Variants in ESR1 observed in about 807,000 individuals in gnomAD.
ESR1 encodes the protein estrogen receptor.
A neutral mutation model predicts 52.7 loss-of-function variants in ESR1; 12 were observed. That is an observed-to-expected ratio of 0.23 (90% CI 0.15 to 0.37). The LOEUF (loss-of-function observed/expected upper bound fraction) is 0.37, where lower values mean the gene tolerates loss of function less well. Among genes scored for constraint, ESR1 ranks in the 10% least tolerant of loss-of-function variants. The pLI is 1.00. For missense variants in ESR1, 584 were observed against 779.7 expected, an observed-to-expected ratio of 0.75 and a Z score of 2.99; for synonymous variants, 305 against 316.8, an observed-to-expected ratio of 0.96 and a Z score of 0.39.
intron 5 of ESR1, among the ~76,000 whole-genome samples, chr6:152,036,001 T>G (rs1014949024): frequency 1.3e-5 from 2 of 152,192 alleles, no homozygotes; most frequent in African/African-American, 4.8e-5. Context: ...AATTAGGTCT[T>G]CAACATGGCA....
chr6:151,791,378 T>C (rs1485521612), intron 2 of ESR1, among the ~76,000 whole-genome samples: 3 of 152,200 alleles, frequency 2.0e-5, no homozygotes, highest in Admixed American at 6.5e-5. Flanking sequence ...CGAGCTCTCT[T>C]GCCTGCCGCC....
chr6:151,971,053 G>A (rs1430655957), intron 4 of ESR1, among the ~76,000 whole-genome samples: 1 of 152,094 alleles, frequency 6.6e-6, no homozygotes, highest in Non-Finnish European at 1.5e-5. Context: ...TACTCCATGA[G>A]TGCCTAACAT....
chr6:151,887,934 T>C (rs1025623891), intron 3 of ESR1, among the ~76,000 whole-genome samples: 4 of 151,434 alleles, frequency 2.6e-5, no homozygotes, highest in Non-Finnish European at 5.9e-5. Flanking sequence ...GAAACATTTA[T>C]CAAAGAAACT....
chr6:152,064,904 T>C (rs975318033), intron 6 of ESR1, among the ~76,000 whole-genome samples: 1 of 152,168 alleles, frequency 6.6e-6, no homozygotes, highest in Non-Finnish European at 1.5e-5. Context: ...CTAGATGATA[T>C]CAAATTATTA....
intron 2 of ESR1, among the ~76,000 whole-genome samples, chr6:151,753,346 G>A (rs117059160): frequency 0.019 from 2,867 of 148,024 alleles, 36 homozygotes; most frequent in East Asian, 0.031. Flanking sequence ...TTGAGACAAG[G>A]TCTGACTCTC....
intron 5 of ESR1, among the ~76,000 whole-genome samples, chr6:152,018,480 A>G (rs7755185): frequency 0.37 from 56,481 of 151,438 alleles, 11,214 homozygotes; most frequent in East Asian, 0.54. Flanking sequence ...TGTGTTTTTG[A>G]TTCACATGAA....
At chr6:151,698,255 A>C (rs980570315) in intron 1 of ESR1, among the ~76,000 whole-genome samples, 4 of 151,970 alleles carry the variant, frequency 2.6e-5, no homozygotes, top group African/African-American at 9.7e-5. Context: ...AGTCCCAGCT[A>C]CTTGAGAGGC....
rs879232933 is a variant in ESR1, at chr6:152,100,321, C to T, written c.*1355C>T. The T allele has an allele frequency of 2.6e-6, 1 of 383,914 alleles. No homozygotes were observed. Among genetic ancestry groups the T allele is most frequent in the Non-Finnish European group, 4.6e-6 (1 of 217,038 alleles). 23.8% of individuals were successfully genotyped at this position (383,914 alleles called of 1,614,324 possible). On this transcript the variant is annotated 3_prime_UTR_variant, in exon 8 of 8. Coordinates refer to ENST00000206249, the MANE Select transcript of ESR1 (RefSeq NM_000125.4). ...CCGTTGCTGTCACTACTCAGGCTGA[C>T]TGGGGCCTGGTCAGATTACGTATGC... is the stretch of plus-strand genomic sequence containing the variant.
intron 1 of ESR1, among the ~76,000 whole-genome samples, chr6:151,699,906 G>T (rs2115409351): frequency 6.6e-6 from 1 of 152,212 alleles, no homozygotes; most frequent in Middle Eastern, 3.4e-3. Flanking sequence ...GGCCAAACCA[G>T]ATAATATATA....
rs141660340 is a variant in ESR1 at position 151,988,380 on chromosome 6, G to T, written c.1097-23276G>T. The stretch of plus-strand genomic sequence containing the variant: ...GAGAATCTAATGCTGCCACTGATCT[G>T]ACAGGAGGTGGAGCTCAGGCAGTAA... On this transcript the variant is annotated intron_variant, in intron 4 of 7. Coordinates refer to ENST00000206249, the MANE Select transcript of ESR1 (RefSeq NM_000125.4). Among the ~76,000 whole-genome samples, 1,144 of 152,194 alleles carry T rather than the reference G, an allele frequency of 7.5e-3. 22 individuals are homozygous for T. The highest frequency in any genetic ancestry group is 0.026 in the African/African-American group (1,061 of 41,470).
At position 151,914,813 on chromosome 6, in the gene ESR1, T is replaced by G. The variant is rs900224053; in HGVS notation, c.761-29360T>G. Among the ~76,000 whole-genome samples, 4 of 152,350 alleles carry G rather than the reference T, an allele frequency of 2.6e-5. No homozygotes were observed. The South Asian group carries it at 8.3e-4, about 32-fold the overall frequency. On this transcript the variant is annotated intron_variant, in intron 3 of 7. Transcript: ENST00000206249. ...ATACCGTAAGCACTCCATAAGGTAA[T>G]TCTTGTCCTTTTAAAAAGTATACAC...
intron 6 of ESR1, among the ~76,000 whole-genome samples, chr6:152,117,581 T>C (rs1040292303): frequency 5.3e-5 from 8 of 152,214 alleles, no homozygotes; most frequent in Non-Finnish European, 1.0e-4. Context: ...AGAAAGATTA[T>C]ATCCAAGTCC....
chr6:151,851,691 C>CTAGTTTTTATATTTT (rs1786756551), intron 2 of ESR1, among the ~76,000 whole-genome samples: 1 of 152,098 alleles, frequency 6.6e-6, no homozygotes, highest in Non-Finnish European at 1.5e-5. Flanking sequence ...CCATGCCTGG[C>CTAGTTTTTATATTTT]TAGTTTTTAT....
At chr6:151,924,557 A>G (rs1330299997) in intron 3 of ESR1, among the ~76,000 whole-genome samples, 2 of 152,058 alleles carry the variant, frequency 1.3e-5, no homozygotes, top group African/African-American at 2.4e-5. Context: ...AGTTCTTGAT[A>G]GTTCTTTTTC....
chr6:152,116,832 G>T (rs1185378774), intron 6 of ESR1, among the ~76,000 whole-genome samples: 1 of 151,688 alleles, frequency 6.6e-6, no homozygotes, highest in Admixed American at 6.6e-5. Flanking sequence ...AACAGTAATG[G>T]CCAGGTAGAT....
chr6:151,715,968 G>A (rs575076205), intron 2 of ESR1, among the ~76,000 whole-genome samples: 1 of 152,134 alleles, frequency 6.6e-6, no homozygotes, highest in Non-Finnish European at 1.5e-5. Context: ...TCATCTTCAT[G>A]GATTTATCTA....
intron 2 of ESR1, among the ~76,000 whole-genome samples, chr6:151,706,547 G>T (rs1780198479): frequency 1.3e-5 from 2 of 152,114 alleles, no homozygotes; most frequent in Non-Finnish European, 2.9e-5. Context: ...TTACCTTGTT[G>T]GCGGGTCAGG....
intron 3 of ESR1, among the ~76,000 whole-genome samples, chr6:151,900,576 T>C (rs753456965): frequency 6.6e-6 from 1 of 152,240 alleles, no homozygotes; most frequent in Non-Finnish European, 1.5e-5. Flanking sequence ...GTAGGCTATG[T>C]CTGAGGGAAG....
intron 1 of ESR1, among the ~76,000 whole-genome samples, chr6:151,823,579 A>G (rs1780956005): frequency 6.6e-6 from 1 of 151,918 alleles, no homozygotes; most frequent in African/African-American, 2.4e-5. Context: ...CTATTAACTC[A>G]TCCTTTACAT....
Sources: allele counts gnomAD v4.1 joint callset (sites outside exome capture counted in the v4.1 genomes callset), GRCh38; gene constraint gnomAD v4.1.1; transcripts MANE v1.5; gene names NCBI Gene and HGNC (gene_info 2026-07-23, HGNC 2026-07-21).